CAMTA1: variants seen among roughly 807,000 people sequenced by gnomAD.
The protein encoded by CAMTA1 is calmodulin binding transcription activator 1.
Under a neutral mutation model 170.9 loss-of-function variants are expected in CAMTA1, and 27 were observed. The observed-to-expected ratio is 0.16, with a 90% confidence interval of 0.12 to 0.22. CAMTA1 has a LOEUF of 0.22. CAMTA1 is among the 10% of genes least tolerant of loss of function. CAMTA1 has a pLI of 1.00. For missense variants in CAMTA1, 1,619 were observed against 2,217.2 expected (o/e 0.73, Z 5.42); for synonymous variants, 833 against 891.5 (o/e 0.93, Z 1.17).
chr1:6,793,815 G>A (rs1641799752), intron 1 of CAMTA1, among the ~76,000 whole-genome samples: 1 of 152,010 alleles, frequency 6.6e-6, no homozygotes, highest in South Asian at 2.1e-4. Context: ...CATTTCTGAA[G>A]GTATATTAAT....
At chr1:7,728,254 G>A (rs570103774) in intron 11 of CAMTA1, among the ~76,000 whole-genome samples, 1 of 152,360 alleles carries the variant, frequency 6.6e-6, no homozygotes, top group South Asian at 2.1e-4. Flanking sequence ...GTGATGTCAG[G>A]GAAGGTCTGT....
intron 3 of CAMTA1, among the ~76,000 whole-genome samples, chr1:6,902,867 A>G (rs1022841175): frequency 1.3e-5 from 2 of 152,224 alleles, no homozygotes; most frequent in Non-Finnish European, 2.9e-5. Flanking sequence ...TGGTTGGTGT[A>G]TGAAGTAGTC....
In CAMTA1 at chr1:7,766,577, A is replaced by ACACACACG. The variant is rs1390931344; in HGVS notation, c.*102_*109dup. The ACACACACG allele has an allele frequency of 2.7e-5, 30 of 1,100,654 alleles. No individual in the cohort carries two copies. The highest frequency in any genetic ancestry group is 6.8e-5 in the Admixed American group (4 of 58,456). 68.2% of individuals were successfully genotyped at this position (1,100,654 alleles called of 1,614,324 possible). ...TTTTTAGCAGAGACATGCAACAACA[A>ACACACACG]CACACACGCACACACGCACACACAC... On this transcript the variant is annotated 3_prime_UTR_variant, in exon 23 of 23. Coordinates refer to ENST00000303635, the MANE Select transcript of CAMTA1 (RefSeq NM_015215.4).
chr1:6,949,085 A>T (rs1056429662), intron 3 of CAMTA1, among the ~76,000 whole-genome samples: 15 of 152,206 alleles, frequency 9.9e-5, no homozygotes, highest in African/African-American at 3.6e-4. Flanking sequence ...TTTCTGAGAT[A>T]AGTCTGACTA....
intron 3 of CAMTA1, among the ~76,000 whole-genome samples, chr1:7,090,900 T>C (rs1326492470): frequency 6.6e-6 from 1 of 152,236 alleles, no homozygotes; most frequent in South Asian, 2.1e-4. Context: ...GTGACAGAGA[T>C]GAAAGATTCG....
chr1:7,192,581 C>A (rs565753172), intron 4 of CAMTA1, among the ~76,000 whole-genome samples: 2 of 152,120 alleles, frequency 1.3e-5, no homozygotes, highest in Non-Finnish European at 2.9e-5. Flanking sequence ...TGCTTGTGGC[C>A]GCTGCTAGCC....
At chr1:6,998,390 C>G (rs17030127) in intron 3 of CAMTA1, among the ~76,000 whole-genome samples, 1 of 152,218 alleles carries the variant, frequency 6.6e-6, no homozygotes, top group Non-Finnish European at 1.5e-5. Flanking sequence ...TTCCCCTCAT[C>G]TGAGTCCAGA....
chr1:7,104,234 A>G lies in CAMTA1; in HGVS notation c.302+12863A>G, dbSNP rs575442948. The stretch of plus-strand genomic sequence containing the variant: ...ACATGTACACACAACACAACTACAC[A>G]CGTGTACACACAACACACATACACA... On this transcript the variant is annotated intron_variant, in intron 4 of 22. Transcript: ENST00000303635. Among the ~76,000 whole-genome samples the G allele has an allele frequency of 3.0e-3, 414 of 139,830 alleles. 1 individual carries two copies. Among genetic ancestry groups the G allele is most frequent in the African/African-American group, 0.011 (380 of 36,082 alleles). 91.7% of individuals were successfully genotyped at this position (139,830 alleles called of 152,430 possible).
At chr1:7,401,570 T>C (rs1296757679) in intron 5 of CAMTA1, among the ~76,000 whole-genome samples, 4 of 152,218 alleles carry the variant, frequency 2.6e-5, no homozygotes, top group African/African-American at 9.6e-5. Context: ...ATTGAATCTA[T>C]AGATCAGTTT....
rs562511586 is a variant in CAMTA1, at chr1:7,410,320, G to A, written c.439-57510G>A. ...GGTGGACATGGGGCCCAGGGCCTGC[G>A]GCAGAGCTGCCCCCTGAGCTGCTGG... is the stretch of plus-strand genomic sequence containing the variant. On this transcript the variant is annotated intron_variant, in intron 5 of 22. Coordinates refer to ENST00000303635, the MANE Select transcript of CAMTA1 (RefSeq NM_015215.4). 1.1e-4 allele frequency among the ~76,000 whole-genome samples: 16 copies of A among 152,334 alleles called. 1 individual carries two copies. The East Asian group carries it at 3.1e-3, about 29-fold the overall frequency.
intron 3 of CAMTA1, among the ~76,000 whole-genome samples, chr1:6,851,694 T>C (rs1660413513): frequency 6.6e-6 from 1 of 152,054 alleles, no homozygotes; most frequent in South Asian, 2.1e-4. Context: ...GCCTAGCCAA[T>C]GTGGCAAAAC....
At chr1:7,702,370 G>T (rs902809505) in intron 11 of CAMTA1, among the ~76,000 whole-genome samples, 1 of 152,194 alleles carries the variant, frequency 6.6e-6, no homozygotes, top group Non-Finnish European at 1.5e-5. Flanking sequence ...ACAGGAAAAA[G>T]AACTTCCCCA....
rs747399019 is a variant in CAMTA1 at position 7,611,265 on chromosome 1, T to C, written c.511-29135T>C. Among the ~76,000 whole-genome samples the C allele has an allele frequency of 2.8e-4, 42 of 152,126 alleles. 1 individual carries two copies. Among genetic ancestry groups the C allele is most frequent in the Non-Finnish European group, 5.6e-4 (38 of 68,022 alleles). On this transcript the variant is annotated intron_variant, in intron 6 of 22. Coordinates refer to ENST00000303635, the MANE Select transcript of CAMTA1 (RefSeq NM_015215.4). ...ATTTATCACGTTGATATTTTGTTCA[T>C]TGTGGATTTTTTTCACAACAGTTCC...
chr1:7,320,142 G>A (rs1433607661), intron 5 of CAMTA1, among the ~76,000 whole-genome samples: 1 of 152,158 alleles, frequency 6.6e-6, no homozygotes, highest in Non-Finnish European at 1.5e-5. Flanking sequence ...CCAGTATCAA[G>A]TAGACGTGGT....
At chr1:7,566,710 A>T (rs1012794926) in intron 6 of CAMTA1, among the ~76,000 whole-genome samples, 5 of 152,176 alleles carry the variant, frequency 3.3e-5, no homozygotes, top group Non-Finnish European at 5.9e-5. Flanking sequence ...TCACACTTAG[A>T]AGGCTCTCTC....
chr1:7,361,318 C>A (rs943791228), intron 5 of CAMTA1, among the ~76,000 whole-genome samples: 1 of 152,146 alleles, frequency 6.6e-6, no homozygotes, highest in African/African-American at 2.4e-5. Flanking sequence ...CTGGTCAATG[C>A]GAACAGGACA....
Position 6,887,644 on chromosome 1 carries a change from T to C in CAMTA1, c.234+62434T>C. 6.5e-7 allele frequency: 1 copy of C among 1,535,058 alleles called. No homozygotes were observed. The highest frequency in any genetic ancestry group is 8.7e-7 in the Non-Finnish European group (1 of 1,146,492). ...ACGGTTTTGACCCATTTTACACCTA[T>C]TTATTTCAGGCTCTCACCACACACT... On this transcript the variant is annotated intron_variant, in intron 3 of 22. Transcript: ENST00000303635. This position sits in a 1 kb window ranked among gnomAD's most constrained non-coding sequence, Gnocchi z 4.1.
intron 1 of CAMTA1, among the ~76,000 whole-genome samples, chr1:6,817,840 A>G (rs1186173121): frequency 6.6e-6 from 1 of 152,176 alleles, no homozygotes. Flanking sequence ...AAACAGTCCT[A>G]GAACAAGAGT....
At position 7,746,034 on chromosome 1, in the gene CAMTA1, A is replaced by G. The variant is rs377169973; in HGVS notation, c.4560A>G (p.Glu1520=). The G allele has an allele frequency of 5.4e-5, 87 of 1,614,062 alleles. 1 individual carries two copies. The highest frequency in any genetic ancestry group is 4.9e-4 in the Middle Eastern group (3 of 6,084). Residue 1520 remains glutamate, a synonymous_variant, in exon 18 of 23, where the codon GAA becomes GAG. Coordinates refer to ENST00000303635, the MANE Select transcript of CAMTA1 (RefSeq NM_015215.4). ...CTCAGCTCACTCTGTCTGATCATGA[A>G]CAGAGAGAACTCTATGAGGCTGCCA... is the stretch of plus-strand genomic sequence containing the variant. The part of the protein sequence containing the change: ...EFAQLTLSDH[E]QRELYEAARL...
Sources: allele counts gnomAD v4.1 joint callset (sites outside exome capture counted in the v4.1 genomes callset), GRCh38; gene constraint gnomAD v4.1.1; non-coding constraint Gnocchi (gnomAD v3.1); transcripts MANE v1.5; gene names NCBI Gene and HGNC (gene_info 2026-07-23, HGNC 2026-07-21).